Variants in STT3B observed in about 807,000 individuals in gnomAD.
STT3B encodes STT3 oligosaccharyltransferase complex catalytic subunit B.
Under a neutral mutation model 96.8 loss-of-function variants are expected in STT3B, and 29 were observed. The observed-to-expected ratio is 0.30, with a 90% confidence interval of 0.22 to 0.41. The LOEUF (loss-of-function observed/expected upper bound fraction) is 0.41. Among genes scored for constraint, STT3B ranks in the 10% least tolerant of loss-of-function variants. The pLI is 1.00. For synonymous variants in STT3B, 367 were observed against 360.0 expected (o/e 1.02, Z -0.22); for missense variants, 640 against 1,022.3 (o/e 0.63, Z 5.10).
chr3:31,601,746 TAAA>T, intron 5 of STT3B, among the ~76,000 whole-genome samples: 1 of 152,194 alleles, frequency 6.6e-6, no homozygotes. Context: ...GATAGGTTAT[TAAA>T]AGATAAATTT....
In STT3B at chr3:31,625,806, T is replaced by C. The variant is rs938448799; in HGVS notation, c.1900-148T>C. On this transcript the variant is annotated intron_variant, in intron 12 of 15. Coordinates refer to ENST00000295770, the MANE Select transcript of STT3B (RefSeq NM_178862.3). ...AGAGGTTCATAAATTCCAATGCATT[T>C]GTTGAATTCATAGTAAATCATTTCT... 4.7e-6 allele frequency: 3 copies of C among 638,476 alleles called. No individual in the cohort carries two copies. In the African/African-American group the frequency reaches 5.6e-5, roughly 12 times the overall value. 39.6% of individuals were successfully genotyped at this position (638,476 alleles called of 1,614,324 possible).
intron 1 of STT3B, among the ~76,000 whole-genome samples, chr3:31,534,810 G>GT (rs1054958478): frequency 3.9e-4 from 60 of 152,112 alleles, no homozygotes; most frequent in African/African-American, 1.0e-3. Flanking sequence ...TCTAACACTA[G>GT]TTTTTTTAAA....
In STT3B at chr3:31,597,837, A is replaced by ATT. The variant is rs1303104009; in HGVS notation, c.777+975_777+976dup. ...TTATTCATTTTATTTCATTATTATT[A>ATT]TTATTATTTTTTTTTTGAGACAGAG... On this transcript the variant is annotated intron_variant, in intron 4 of 15. Coordinates refer to ENST00000295770, the MANE Select transcript of STT3B (RefSeq NM_178862.3). 5.6e-5 allele frequency among the ~76,000 whole-genome samples: 6 copies of ATT among 106,984 alleles called. No homozygotes were observed. The East Asian group carries it at 1.1e-3, about 20-fold the overall frequency. The allele number at this position is 106,984 out of a possible 152,430, so 70.2% of individuals were successfully genotyped here. A position where few individuals can be genotyped will look rare whatever the true frequency, so the allele number is the denominator to read the frequency against.
At chr3:31,607,470 G>T (rs972605756) in intron 5 of STT3B, among the ~76,000 whole-genome samples, 3 of 152,120 alleles carry the variant, frequency 2.0e-5, no homozygotes, top group Non-Finnish European at 4.4e-5. Flanking sequence ...ACTCTCACAA[G>T]ATCTGATGGT....
intron 1 of STT3B, among the ~76,000 whole-genome samples, chr3:31,564,830 T>C (rs1346680020): frequency 6.6e-6 from 1 of 152,192 alleles, no homozygotes; most frequent in Non-Finnish European, 1.5e-5. Flanking sequence ...ACAATCATAC[T>C]TTAAATTCCT....
intron 1 of STT3B, among the ~76,000 whole-genome samples, chr3:31,563,964 T>C (rs186364056): frequency 1.3e-5 from 2 of 152,214 alleles, no homozygotes; most frequent in African/African-American, 4.8e-5. Flanking sequence ...TTTCCGTTTC[T>C]GTATACAATA....
chr3:31,533,173 T>A lies in STT3B; in HGVS notation c.175T>A (p.Ser59Thr), dbSNP rs1696985839. Residue 59 changes from serine to threonine, a missense_variant, in exon 1 of 16, where the codon TCC becomes ACC. Ser to Thr is a moderately conservative substitution (Grantham distance 58). Around this residue, in one of 8 missense-constraint regions of STT3B, gnomAD observed 267 missense variants for 388.3 expected, o/e 0.69. Transcript: ENST00000295770. Reference protein sequence around the residue: ...APPKPAPAGLSGGLSQPAGWQ... With the variant: ...APPKPAPAGLTGGLSQPAGWQ... ...GCCGAAGCCGGCCCCGGCGGGGCTGTCCGGGGGGCTGTCGCAGCCGGCTGG... is the reference window on the plus strand; with the variant it reads ...GCCGAAGCCGGCCCCGGCGGGGCTGACCGGGGGGCTGTCGCAGCCGGCTGG... 1.4e-6 allele frequency: 2 copies of A among 1,406,862 alleles called. No individual in the cohort carries two copies. Among genetic ancestry groups the A allele is most frequent in the South Asian group, 3.1e-5 (2 of 65,498 alleles). 87.1% of individuals were successfully genotyped at this position (1,406,862 alleles called of 1,614,324 possible). A position where few individuals can be genotyped will look rare whatever the true frequency, so the allele number is the denominator to read the frequency against.
intron 12 of STT3B, among the ~76,000 whole-genome samples, chr3:31,625,616 G>A (rs1184719450): frequency 6.6e-6 from 1 of 152,216 alleles, no homozygotes; most frequent in Non-Finnish European, 1.5e-5. Flanking sequence ...AGAAATGTAT[G>A]TGCTAGCAAG....
At chr3:31,594,722 C>G (rs75274010) in intron 3 of STT3B, among the ~76,000 whole-genome samples, 13 of 152,120 alleles carry the variant, frequency 8.5e-5, no homozygotes, top group Non-Finnish European at 1.5e-4. Flanking sequence ...GCCCAGCCCC[C>G]CTTCACAGGT....
intron 1 of STT3B, among the ~76,000 whole-genome samples, chr3:31,557,440 A>G (rs1697748095): frequency 6.6e-6 from 1 of 152,010 alleles, no homozygotes; most frequent in African/African-American, 2.4e-5. Flanking sequence ...CTTGTGTTCA[A>G]TCTGTATGTA....
At chr3:31,541,725 C>T (rs750028937) in intron 1 of STT3B, among the ~76,000 whole-genome samples, 7 of 151,966 alleles carry the variant, frequency 4.6e-5, no homozygotes, top group Non-Finnish European at 8.8e-5. Context: ...TACAGGCGCC[C>T]GCGACCATGC....
intron 1 of STT3B, among the ~76,000 whole-genome samples, chr3:31,563,228 C>T (rs4429666): frequency 0.55 from 83,456 of 152,048 alleles, 25,887 homozygotes; most frequent in Non-Finnish European, 0.71. Context: ...CCAGATACAT[C>T]TAGTCAACTA....
In STT3B at chr3:31,557,369, TA is replaced by T. The variant is rs1240167585; in HGVS notation, c.315-19026del. 2.0e-5 allele frequency among the ~76,000 whole-genome samples: 3 copies of T among 152,214 alleles called. No homozygotes were observed. In the East Asian group the frequency reaches 5.8e-4, roughly 29 times the overall value. On this transcript the variant is annotated intron_variant, in intron 1 of 15. Coordinates refer to ENST00000295770, the MANE Select transcript of STT3B (RefSeq NM_178862.3). ...CTATTCTCACTCTTCCTTGGTTCTTTATTAATTTCAGGACTGTTTTTTCTAT... is the reference window on the plus strand; with the variant it reads ...CTATTCTCACTCTTCCTTGGTTCTTTTTAATTTCAGGACTGTTTTTTCTAT...
chr3:31,610,787 G>A (rs945843722), intron 5 of STT3B, among the ~76,000 whole-genome samples: 2 of 152,106 alleles, frequency 1.3e-5, no homozygotes, highest in African/African-American at 4.8e-5. Context: ...AATAATATAT[G>A]TGTGTGTATA....
chr3:31,605,671 A>T (rs959594372), intron 5 of STT3B, among the ~76,000 whole-genome samples: 1 of 152,192 alleles, frequency 6.6e-6, no homozygotes, highest in Admixed American at 6.5e-5. Flanking sequence ...CTTTTTCTTT[A>T]TAAATTACCC....
intron 1 of STT3B, among the ~76,000 whole-genome samples, chr3:31,549,973 AT>A (rs948972961): frequency 4.0e-5 from 6 of 150,966 alleles, no homozygotes; most frequent in East Asian, 3.9e-4. Context: ...GTGATCTTAG[AT>A]TTTTTTTTCA....
At chr3:31,588,163 G>A (rs1456501396) in intron 3 of STT3B, among the ~76,000 whole-genome samples, 1 of 152,034 alleles carries the variant, frequency 6.6e-6, no homozygotes, top group Non-Finnish European at 1.5e-5. Context: ...CAAAACACAA[G>A]ATGGCCCATG....
At chr3:31,597,238 C>G (rs1698813132) in intron 4 of STT3B, among the ~76,000 whole-genome samples, 1 of 152,012 alleles carries the variant, frequency 6.6e-6, no homozygotes, top group African/African-American at 2.4e-5. Context: ...CAGCTCACTG[C>G]AGCTTCTGCC....
chr3:31,539,485 A>C (rs532027224), intron 1 of STT3B, among the ~76,000 whole-genome samples: 2 of 152,302 alleles, frequency 1.3e-5, no homozygotes, highest in East Asian at 3.9e-4. Flanking sequence ...GCCAGATTCC[A>C]AAGTCTGTTC....
Sources: gnomAD v4.1 joint callset for allele counts (sites outside exome capture counted in the v4.1 genomes callset) on GRCh38, gnomAD v4.1.1 for gene constraint, gnomAD v4.1.1 regional missense constraint, MANE v1.5 for transcripts, NCBI Gene and HGNC (gene_info 2026-07-23, HGNC 2026-07-21) for gene names.